Variants in OSBP observed in about 807,000 individuals in gnomAD.
OSBP encodes oxysterol binding protein.
In OSBP, 32 loss-of-function variants were observed where a neutral mutation model predicts 96.6. That is an observed-to-expected ratio of 0.33 (90% CI 0.25 to 0.45). OSBP has a LOEUF of 0.45. Among genes scored for constraint, OSBP ranks in the 20% least tolerant of loss-of-function variants. The pLI, the probability that OSBP is intolerant of heterozygous loss-of-function variation, is 1.00. For missense variants in OSBP, 653 were observed against 1,029.7 expected, an observed-to-expected ratio of 0.63 and a Z score of 5.01; for synonymous variants, 369 against 389.6, an observed-to-expected ratio of 0.95 and a Z score of 0.62.
intron 7 of OSBP, among the ~76,000 whole-genome samples, chr11:59,598,751 G>A (rs949405520): frequency 2.6e-5 from 4 of 152,006 alleles, no homozygotes; most frequent in South Asian, 2.1e-4. Context: ...CACCACACCC[G>A]TTTAACTTTT....
At chr11:59,613,590 T>C (rs988065237) in intron 1 of OSBP, among the ~76,000 whole-genome samples, 3 of 152,162 alleles carry the variant, frequency 2.0e-5, no homozygotes, top group African/African-American at 7.2e-5. Context: ...AACATTAAAA[T>C]GATGGTCAAT....
intron 9 of OSBP, among the ~76,000 whole-genome samples, chr11:59,586,856 AT>A (rs751377233): frequency 6.6e-5 from 10 of 152,218 alleles, no homozygotes; most frequent in Non-Finnish European, 1.2e-4. Flanking sequence ...ATCTAGTACC[AT>A]GTACAAAAAT....
At chr11:59,588,743 T>C (rs1860534412) in intron 9 of OSBP, among the ~76,000 whole-genome samples, 1 of 152,106 alleles carries the variant, frequency 6.6e-6, no homozygotes, top group Non-Finnish European at 1.5e-5. Flanking sequence ...CAGTGGCTCA[T>C]GCCTGTAATT....
intron 10 of OSBP, among the ~76,000 whole-genome samples, 177 bp from the exon 11 acceptor site, chr11:59,580,446 G>A (rs1860407190): frequency 6.6e-6 from 1 of 152,108 alleles, no homozygotes; most frequent in South Asian, 2.1e-4. Context: ...GGTTTTCCAG[G>A]TTGAGATCAA....
chr11:59,612,827 A>T (rs1427477282), intron 1 of OSBP, among the ~76,000 whole-genome samples: 8 of 152,142 alleles, frequency 5.3e-5, no homozygotes, highest in Admixed American at 5.2e-4. Context: ...GCCTGTCACA[A>T]TGTTTCTGGG....
At chr11:59,583,433 A>T (rs905563356) in intron 9 of OSBP, among the ~76,000 whole-genome samples, 3 of 152,210 alleles carry the variant, frequency 2.0e-5, no homozygotes, top group Non-Finnish European at 4.4e-5. Context: ...TTCTTATACA[A>T]AAAATTAAAG....
At chr11:59,596,024 T>C (rs780400969) in intron 7 of OSBP, among the ~76,000 whole-genome samples, 12 of 151,900 alleles carry the variant, frequency 7.9e-5, no homozygotes, top group Non-Finnish European at 1.8e-4. Context: ...GCCTGCTTTT[T>C]CTCTGAGAAA....
chr11:59,610,253 G>A (rs1860827917), intron 2 of OSBP, 128 bp downstream of exon 2: 1 of 790,520 alleles, frequency 1.3e-6, no homozygotes. Context: ...ACTGCATGAA[G>A]ACGAGAAGCT....
At chr11:59,608,817 C>A in intron 2 of OSBP, 83 bp from the exon 3 acceptor site, 1 of 1,352,132 alleles carries the variant, frequency 7.4e-7, no homozygotes, top group Non-Finnish European at 1.0e-6. Context: ...CAGAAACAAA[C>A]CAACATTCCT....
At chr11:59,583,645 T>G (rs1009076824) in intron 9 of OSBP, among the ~76,000 whole-genome samples, 21 of 136,724 alleles carry the variant, frequency 1.5e-4, no homozygotes, top group South Asian at 7.4e-4. Context: ...TTTTTTTTTT[T>G]TTTTTTTTTT....
chr11:59,583,634 GTTTTTTTTTTTTTTT>G (rs764596509), intron 9 of OSBP, among the ~76,000 whole-genome samples: 1 of 64,310 alleles, frequency 1.6e-5, no homozygotes, highest in Admixed American at 1.7e-4. Flanking sequence ...CTAAATCTCT[GTTTTTTTTTTTTTTT>G]TTTTTTTTTT....
chr11:59,609,871 C>T (rs1006647002), intron 2 of OSBP, among the ~76,000 whole-genome samples: 4 of 152,106 alleles, frequency 2.6e-5, no homozygotes, highest in Non-Finnish European at 5.9e-5. Flanking sequence ...ACTTAACTAA[C>T]AAAGAGTTAA....
At position 59,578,291 on chromosome 11, in the gene OSBP, A is replaced by C. The variant is rs1860382935; in HGVS notation, c.1918T>G (p.Phe640Val). Reference protein sequence around the residue: ...EVTDPSGKVHFALLGTWDEKM... With the variant: ...EVTDPSGKVHVALLGTWDEKM... ...TCATCCCACGTCCCCAGAAGAGCAAAGTGGACTTTTCCTGATGGATCTGTC... is the reference window on the plus strand; with the variant it reads ...TCATCCCACGTCCCCAGAAGAGCAACGTGGACTTTTCCTGATGGATCTGTC... Residue 640 changes from phenylalanine (F) to valine (V), a missense_variant, in exon 12 of 14, where the codon TTT becomes GTT. By Grantham distance (50) the Phe-to-Val change is conservative. Coordinates refer to ENST00000263847, the MANE Select transcript of OSBP (RefSeq NM_002556.3). 6.2e-7 allele frequency: 1 copy of C among 1,614,216 alleles called. No homozygotes were observed. Among genetic ancestry groups the C allele is most frequent in the Non-Finnish European group, 8.5e-7 (1 of 1,180,040 alleles).
chr11:59,600,816 T>C lies in OSBP; in HGVS notation c.1179+3A>G. 1 of 1,612,616 alleles carries C rather than the reference T, an allele frequency of 6.2e-7. No homozygotes were observed. Among genetic ancestry groups the C allele is most frequent in the Non-Finnish European group, 8.5e-7 (1 of 1,178,976 alleles). ...CCTCTGAGATCTCCCATATAAGAAT[T>C]ACCTGTTCATCAAGGCTGATGTCAC... On this transcript the variant is annotated splice_donor_region_variant and intron_variant, in intron 6 of 13. Transcript: ENST00000263847.
At chr11:59,589,432 C>T (rs1464474450) in intron 9 of OSBP, among the ~76,000 whole-genome samples, 1 of 151,548 alleles carries the variant, frequency 6.6e-6, no homozygotes, top group African/African-American at 2.4e-5. Context: ...GGAACCCAGT[C>T]TCTACTAAAA....
Position 59,581,646 on chromosome 11 carries a change from T to C in OSBP, c.1679-92A>G, listed in dbSNP as rs998945552. On this transcript the variant is annotated intron_variant, in intron 9 of 13. Coordinates refer to ENST00000263847, the MANE Select transcript of OSBP (RefSeq NM_002556.3). ...ACAGTAATGGATTAATTTCCTTCTATTGATATTTATTACTTTTAGAAATAA... is the reference window on the plus strand; with the variant it reads ...ACAGTAATGGATTAATTTCCTTCTACTGATATTTATTACTTTTAGAAATAA... 7.7e-5 allele frequency: 44 copies of C among 574,652 alleles called. No individual in the cohort carries two copies. In the East Asian group the frequency reaches 1.0e-3, roughly 13 times the overall value. 35.6% of individuals were successfully genotyped at this position (574,652 alleles called of 1,614,324 possible). A position where few individuals can be genotyped will look rare whatever the true frequency, so the allele number is the denominator to read the frequency against.
intron 3 of OSBP, among the ~76,000 whole-genome samples, chr11:59,604,853 T>C (rs1860761907): frequency 8.2e-6 from 1 of 121,390 alleles, no homozygotes; most frequent in African/African-American, 3.2e-5. Context: ...ATACTCTGTC[T>C]CTAAAAAAAA....
At chr11:59,581,802 C>T (rs1210666557) in intron 9 of OSBP, among the ~76,000 whole-genome samples, 1 of 152,160 alleles carries the variant, frequency 6.6e-6, no homozygotes, top group African/African-American at 2.4e-5. Flanking sequence ...ACTGATATAC[C>T]TTAGCTAGGA....
intron 12 of OSBP, among the ~76,000 whole-genome samples, 177 bp downstream of exon 12, chr11:59,577,972 A>G (rs1230205862): frequency 6.6e-6 from 1 of 152,246 alleles, no homozygotes; most frequent in Non-Finnish European, 1.5e-5. Context: ...CCTTGAAATA[A>G]GCATGCTACA....
Sources: allele counts gnomAD v4.1 joint callset (sites outside exome capture counted in the v4.1 genomes callset), GRCh38; gene constraint gnomAD v4.1.1; transcripts MANE v1.5; gene names NCBI Gene and HGNC (gene_info 2026-07-23, HGNC 2026-07-21).